SNRPA: variants seen among roughly 807,000 people sequenced by gnomAD.
SNRPA encodes U1 small nuclear ribonucleoprotein A.
Under a neutral mutation model 24.5 loss-of-function variants are expected in SNRPA, and 10 were observed. That is an observed-to-expected ratio of 0.41 (90% CI 0.25 to 0.69). The LOEUF (loss-of-function observed/expected upper bound fraction) is 0.69. SNRPA is among the 30% of genes least tolerant of loss of function. SNRPA has a pLI of 0.33. For missense variants in SNRPA, 283 were observed against 394.7 expected (o/e 0.72, Z 2.40); for synonymous variants, 165 against 148.4 (o/e 1.11, Z -0.81).
chr19:40,753,296 A>G lies in SNRPA; in HGVS notation c.73+1815A>G, dbSNP rs192322411. 9.5e-3 allele frequency among the ~76,000 whole-genome samples: 1,408 copies of G among 148,392 alleles called. 7 individuals are homozygous for G. The highest frequency in any genetic ancestry group is 0.038 in the Middle Eastern group (11 of 288). On this transcript the variant is annotated intron_variant, in intron 1 of 5. Transcript: ENST00000243563. ...TTGAACCCTGGGAAGCAGAGGTCGCAGTGAGCTGAGACCGCACCACTGTAC... is the reference window on the plus strand; with the variant it reads ...TTGAACCCTGGGAAGCAGAGGTCGCGGTGAGCTGAGACCGCACCACTGTAC...
intron 3 of SNRPA, 139 bp downstream of exon 3, chr19:40,759,749 T>A: frequency 1.4e-6 from 1 of 718,442 alleles, no homozygotes; most frequent in East Asian, 3.0e-5. Flanking sequence ...GAGATGTGTT[T>A]CTCTCTCTCT....
At chr19:40,764,763 G>A (rs535866835) in intron 5 of SNRPA, among the ~76,000 whole-genome samples, 12 of 152,314 alleles carry the variant, frequency 7.9e-5, no homozygotes, top group African/African-American at 2.6e-4. Context: ...AGACTGCGGT[G>A]TACTGTTTCT....
chr19:40,765,249 C>G lies in SNRPA; in HGVS notation c.*82C>G, dbSNP rs1466891308. The G allele has an allele frequency of 1.9e-6, 2 of 1,027,344 alleles. No homozygotes were observed. Among genetic ancestry groups the G allele is most frequent in the Non-Finnish European group, 2.7e-6 (2 of 751,432 alleles). The allele number at this position is 1,027,344 out of a possible 1,614,324, so 63.6% of individuals were successfully genotyped here. On this transcript the variant is annotated 3_prime_UTR_variant, in exon 6 of 6. Coordinates refer to ENST00000243563, the MANE Select transcript of SNRPA (RefSeq NM_004596.5). ...TTGGCTCAGCCCCCTGAAGGTAAGT[C>G]CCCCCTTGGGGGCCTTCTTGGAGCC...
intron 3 of SNRPA, among the ~76,000 whole-genome samples, chr19:40,761,985 G>A (rs530932626): frequency 1.4e-4 from 21 of 151,996 alleles, no homozygotes; most frequent in Non-Finnish European, 2.9e-4. Flanking sequence ...TGCTCTATTC[G>A]GTGCCACTCA....
chr19:40,757,330 A>G lies in SNRPA; in HGVS notation c.74-2A>G. The G allele has an allele frequency of 6.2e-7, 1 of 1,613,964 alleles. No homozygotes were observed. Among genetic ancestry groups the G allele is most frequent in the South Asian group, 1.1e-5 (1 of 91,076 alleles). Reference sequence around the variant, plus strand: ...CAAAGGTCTTTTTTTCCCCCACTGCAGAGCTAAAAAAGTCCCTGTACGCCA... The same window carrying G: ...CAAAGGTCTTTTTTTCCCCCACTGCGGAGCTAAAAAAGTCCCTGTACGCCA... On this transcript the variant is annotated splice_acceptor_variant, in intron 1 of 5. Coordinates refer to ENST00000243563, the MANE Select transcript of SNRPA (RefSeq NM_004596.5). LOFTEE classifies it high-confidence loss of function.
chr19:40,765,293 G>A lies in SNRPA; in HGVS notation c.*126G>A, dbSNP rs560449972. The A allele has an allele frequency of 4.8e-5, 25 of 520,170 alleles. No homozygotes were observed. The highest frequency in any genetic ancestry group is 2.6e-4 in the South Asian group (7 of 27,216). 32.2% of individuals were successfully genotyped at this position (520,170 alleles called of 1,614,324 possible). On this transcript the variant is annotated 3_prime_UTR_variant, in exon 6 of 6. Coordinates refer to ENST00000243563, the MANE Select transcript of SNRPA (RefSeq NM_004596.5). ...TGGAGCCGTGTGTGAGTGAGTGGTCGCCACACAGCATTGTACCCAGAGTCT... is the reference window on the plus strand; with the variant it reads ...TGGAGCCGTGTGTGAGTGAGTGGTCACCACACAGCATTGTACCCAGAGTCT...
rs1019235751 is a variant in SNRPA at position 40,762,894 on chromosome 19, T to C, written c.427-7T>C. The C allele has an allele frequency of 1.2e-5, 19 of 1,612,760 alleles. No individual in the cohort carries two copies. The highest frequency in any genetic ancestry group is 1.4e-5 in the Non-Finnish European group (17 of 1,179,684). On this transcript the variant is annotated splice_region_variant and splice_polypyrimidine_tract_variant and intron_variant, in intron 3 of 5. Coordinates refer to ENST00000243563, the MANE Select transcript of SNRPA (RefSeq NM_004596.5). ...GTAACCACGCACTCTCCTCCCTCTC[T>C]CCACAGGGCATGCCGCCGATGACTC...
rs2082923901 is a variant in SNRPA, at chr19:40,759,748, TTCTC to T, written c.426+146_426+149del. 8 of 734,628 alleles carry T rather than the reference TTCTC, an allele frequency of 1.1e-5. No homozygotes were observed. In the Admixed American group the frequency reaches 2.3e-4, roughly 21 times the overall value. 45.5% of individuals were successfully genotyped at this position (734,628 alleles called of 1,614,324 possible). A position where few individuals can be genotyped will look rare whatever the true frequency, so the allele number is the denominator to read the frequency against. The stretch of plus-strand genomic sequence containing the variant: ...TTTCCATTTCTTTATAGAGATGTGT[TTCTC>T]TCTCTCTTTTGGGGGGTATTGAGCA... On this transcript the variant is annotated intron_variant, in intron 3 of 5. Coordinates refer to ENST00000243563, the MANE Select transcript of SNRPA (RefSeq NM_004596.5).
Position 40,752,344 on chromosome 19 carries a change from AAAAG to A in SNRPA, c.73+871_73+874del, listed in dbSNP as rs549590886. ...AAGAGCGAAACTCCGTCTCAAAAAA[AAAAG>A]AAAGAAAAGAAAAAGAAACTGAGAC... On this transcript the variant is annotated intron_variant, in intron 1 of 5. Coordinates refer to ENST00000243563, the MANE Select transcript of SNRPA (RefSeq NM_004596.5). Among the ~76,000 whole-genome samples, 594 of 151,984 alleles carry A rather than the reference AAAAG, an allele frequency of 3.9e-3. 7 individuals are homozygous for A. The highest frequency in any genetic ancestry group is 0.013 in the African/African-American group (535 of 41,434).
intron 5 of SNRPA, among the ~76,000 whole-genome samples, chr19:40,764,255 C>G (rs1313898716): frequency 6.6e-6 from 1 of 151,936 alleles, no homozygotes; most frequent in African/African-American, 2.4e-5. Flanking sequence ...TGGAGGGTGT[C>G]TGGGAGAAGG....
chr19:40,751,435 C>T lies in SNRPA; in HGVS notation c.27C>T (p.Asn9=). Residue 9 remains asparagine (N), a synonymous_variant, in exon 1 of 6, where the codon AAC becomes AAT. Transcript: ENST00000243563. MAVPETRP[N]HTIYINNLNE... is the part of the protein sequence containing the mutation. ...TGGCAGTTCCCGAGACCCGCCCTAA[C>T]CACACTATTTATATCAACAACCTCA... 1.2e-6 allele frequency: 2 copies of T among 1,613,616 alleles called. No individual in the cohort carries two copies. The highest frequency in any genetic ancestry group is 1.7e-5 in the Admixed American group (1 of 60,006).
At chr19:40,763,148 G>A in intron 4 of SNRPA, 74 bp downstream of exon 4, 1 of 1,246,866 alleles carries the variant, frequency 8.0e-7, no homozygotes, top group Non-Finnish European at 1.1e-6. Context: ...ACCAGTTGGG[G>A]GGCTGCTGTA....
At chr19:40,755,391 G>C (rs1250614914) in intron 1 of SNRPA, among the ~76,000 whole-genome samples, 3 of 150,416 alleles carry the variant, frequency 2.0e-5, no homozygotes, top group Non-Finnish European at 4.4e-5. Context: ...ATAGGCATGA[G>C]CCACCATGCC....
chr19:40,757,540 TA>T, intron 2 of SNRPA, 36 bp downstream of exon 2: 1 of 1,568,920 alleles, frequency 6.4e-7, no homozygotes, highest in South Asian at 1.2e-5. Flanking sequence ...TGTGGGTGTG[TA>T]AAATGTTATA....
chr19:40,763,146 G>A, intron 4 of SNRPA, 72 bp downstream of exon 4: 1 of 1,249,970 alleles, frequency 8.0e-7, no homozygotes, highest in East Asian at 2.5e-5. Flanking sequence ...GGACCAGTTG[G>A]GGGGCTGCTG....
At chr19:40,753,428 ACT>A (rs2082894349) in intron 1 of SNRPA, among the ~76,000 whole-genome samples, 1 of 91,140 alleles carries the variant, frequency 1.1e-5, no homozygotes. Context: ...GCAGAGTTTC[ACT>A]CTGTCACCCA....
chr19:40,754,188 C>G (rs1317773491), intron 1 of SNRPA, among the ~76,000 whole-genome samples: 1 of 151,100 alleles, frequency 6.6e-6, no homozygotes, highest in Non-Finnish European at 1.5e-5. Flanking sequence ...ACTGCAACCT[C>G]CGCCTCCCGA....
At chr19:40,764,984 C>T in intron 5 of SNRPA, 24 bp from the exon 6 acceptor site, 1 of 1,528,720 alleles carries the variant, frequency 6.5e-7, no homozygotes, top group African/African-American at 1.4e-5. Context: ...TGCTGAGTCC[C>T]TGAGGTCTGT....
In SNRPA at chr19:40,757,398, G is replaced by A. The variant is rs373207469; in HGVS notation, c.140G>A (p.Arg47Gln). 24 of 1,613,930 alleles carry A rather than the reference G, an allele frequency of 1.5e-5. No homozygotes were observed. The highest frequency in any genetic ancestry group is 1.8e-5 in the Non-Finnish European group (21 of 1,179,990). Residue 47 changes from arginine (R) to glutamine (Q), a missense_variant, in exon 2 of 6, where the codon CGG becomes CAG. By Grantham distance (43) the Arg-to-Gln change is conservative (BLOSUM62 1). Coordinates refer to ENST00000243563, the MANE Select transcript of SNRPA (RefSeq NM_004596.5). The stretch of plus-strand genomic sequence containing the variant: ...CAGATCCTGGATATCCTGGTATCAC[G>A]GAGCCTGAAGATGAGGGGCCAGGCC... ...FGQILDILVS[R>Q]SLKMRGQAFV...
Sources: allele counts gnomAD v4.1 joint callset (sites outside exome capture counted in the v4.1 genomes callset), GRCh38; gene constraint gnomAD v4.1.1; transcripts MANE v1.5; gene names NCBI Gene and HGNC (gene_info 2026-07-23, HGNC 2026-07-21).